Variants in LOXHD1 observed in about 807,000 individuals in gnomAD.
The protein encoded by LOXHD1 is lipoxygenase homology PLAT domains 1.
LOXHD1 carries 205 observed loss-of-function variants against 248.2 expected under a neutral mutation model. The observed-to-expected ratio is 0.83, with a 90% CI of 0.74 to 0.93. The LOEUF is 0.93. Ranked by LOEUF, LOXHD1 falls within the 40% of genes least tolerant of loss-of-function variation. The pLI is 0.00. For missense variants in LOXHD1, 2,930 were observed against 2,971.6 expected (o/e 0.99, Z 0.33); for synonymous variants, 1,113 against 1,162.8 (o/e 0.96, Z 0.87).
intron 10 of LOXHD1, 143 bp from the exon 11 acceptor site, chr18:46,592,727 C>A: frequency 1.4e-6 from 1 of 691,214 alleles, no homozygotes; most frequent in Non-Finnish European, 2.5e-6. Context: ...AAGCCACCCT[C>A]ACATATTTTA....
At position 46,536,946 on chromosome 18, in the gene LOXHD1, G is replaced by A. The variant is rs546000680; in HGVS notation, c.4095+1210C>T. 3.9e-5 allele frequency among the ~76,000 whole-genome samples: 6 copies of A among 152,246 alleles called. No homozygotes were observed. The East Asian group carries it at 5.8e-4, about 15-fold the overall frequency. ...GCTCTTCTCCTTCAGGGTCTCCTGC[G>A]CTTCCCCTCTAAGTCTTGCTTCATT... On this transcript the variant is annotated intron_variant, in intron 26 of 40. Transcript: ENST00000642948.
Position 46,529,240 on chromosome 18 carries a change from C to A in LOXHD1, c.4467G>T (p.Gly1489=), listed in dbSNP as rs1368732351. 5.2e-6 allele frequency: 8 copies of A among 1,551,606 alleles called. No homozygotes were observed. The highest frequency in any genetic ancestry group is 7.0e-6 in the Non-Finnish European group (8 of 1,146,942). Residue 1489 remains glycine (G), a synonymous_variant, in exon 29 of 41, where the codon GGG becomes GGT. Transcript: ENST00000642948. ...TGCCAAGGTATCGCTCCCCAGTGTC[C>A]CCGAGGTCTCCATAGATGGTGATGT... ...KVYITIYGDL[G]DTGERYLGKS... is the part of the protein sequence containing the mutation.
intron 4 of LOXHD1, among the ~76,000 whole-genome samples, chr18:46,637,186 C>T (rs183531695): frequency 2.3e-4 from 35 of 152,176 alleles, no homozygotes; most frequent in African/African-American, 7.9e-4. Context: ...CAGAAAAAAA[C>T]CATTGGAATA....
intron 18 of LOXHD1, among the ~76,000 whole-genome samples, chr18:46,562,485 C>T (rs1007001171): frequency 2.6e-5 from 4 of 152,146 alleles, no homozygotes; most frequent in Admixed American, 2.0e-4. Flanking sequence ...TCTCTTTTTT[C>T]CTTCTATTGA....
rs535442520 is a variant in LOXHD1 at position 46,557,674 on chromosome 18, C to T, written c.3217-185G>A. 2.0e-5 allele frequency among the ~76,000 whole-genome samples: 3 copies of T among 152,278 alleles called. No homozygotes were observed. In the South Asian group the frequency reaches 6.2e-4, roughly 32 times the overall value. ...GGTGTTTGGTCTGCACAATTGTTTC[C>T]CTAACTTGTCCCTGCCAGGAGATCT... On this transcript the variant is annotated intron_variant, in intron 20 of 40. Coordinates refer to ENST00000642948, the MANE Select transcript of LOXHD1 (RefSeq NM_001384474.1).
chr18:46,512,854 C>T (rs2035047417), intron 34 of LOXHD1, among the ~76,000 whole-genome samples: 2 of 152,132 alleles, frequency 1.3e-5, no homozygotes, highest in African/African-American at 4.8e-5. Context: ...TACTATGCAG[C>T]AATGAAAATG....
intron 7 of LOXHD1, 155 bp from the exon 8 acceptor site, chr18:46,601,622 A>C (rs1225588332): frequency 6.0e-6 from 6 of 994,632 alleles, no homozygotes; most frequent in Non-Finnish European, 7.6e-6. Flanking sequence ...ATGCCACCTA[A>C]TGTCCCTCTC....
At chr18:46,641,566 G>A (rs908103446) in intron 3 of LOXHD1, among the ~76,000 whole-genome samples, 5 of 152,146 alleles carry the variant, frequency 3.3e-5, no homozygotes, top group South Asian at 2.1e-4. Context: ...GGTTATCACC[G>A]ATGAGGCACC....
chr18:46,525,548 G>A (rs1173741694), intron 29 of LOXHD1, among the ~76,000 whole-genome samples: 1 of 152,114 alleles, frequency 6.6e-6, no homozygotes, highest in African/African-American at 2.4e-5. Context: ...GTGATACAAG[G>A]CCCTAATCTG....
chr18:46,609,965 T>C (rs1333640886), intron 6 of LOXHD1, among the ~76,000 whole-genome samples: 1 of 151,552 alleles, frequency 6.6e-6, no homozygotes, highest in African/African-American at 2.5e-5. Context: ...TGCTTTCTTC[T>C]TGATTCTTAA....
chr18:46,638,244 T>C (rs913860775), intron 4 of LOXHD1, among the ~76,000 whole-genome samples: 5 of 152,252 alleles, frequency 3.3e-5, no homozygotes, highest in African/African-American at 7.2e-5. Flanking sequence ...GAATTACAAG[T>C]ATTCTTCATG....
Position 46,521,082 on chromosome 18 carries a change from C to T in LOXHD1, c.5271+15G>A. The T allele has an allele frequency of 6.4e-7, 1 of 1,550,810 alleles. No homozygotes were observed. Among genetic ancestry groups the T allele is most frequent in the Non-Finnish European group, 8.7e-7 (1 of 1,146,376 alleles). ...GCCCTGGCCATGCACTGCACACTCA[C>T]AGTGCCCCCCCTACCTTCACCCCAA... On this transcript the variant is annotated intron_variant, in intron 33 of 40. Coordinates refer to ENST00000642948, the MANE Select transcript of LOXHD1 (RefSeq NM_001384474.1).
intron 29 of LOXHD1, 41 bp from the exon 30 acceptor site, chr18:46,524,958 A>G (rs1208531289): frequency 1.4e-5 from 21 of 1,542,120 alleles, no homozygotes; most frequent in Non-Finnish European, 1.8e-5. Flanking sequence ...GGGGTGTGCC[A>G]CCCACTCAAC....
chr18:46,604,797 G>C (rs929721940), intron 6 of LOXHD1, among the ~76,000 whole-genome samples: 4 of 152,220 alleles, frequency 2.6e-5, no homozygotes, highest in Non-Finnish European at 5.9e-5. Context: ...TGAGATAAGT[G>C]TGCCTTCTAG....
intron 39 of LOXHD1, 139 bp from the exon 40 acceptor site, chr18:46,483,884 G>A (rs141504474): frequency 2.8e-4 from 287 of 1,032,496 alleles, no homozygotes; most frequent in Non-Finnish European, 3.7e-4. Flanking sequence ...TGGCAGTCCT[G>A]GAGGCTTTGA....
intron 2 of LOXHD1, among the ~76,000 whole-genome samples, chr18:46,643,951 C>T (rs1406920227): frequency 4.6e-5 from 7 of 152,100 alleles, no homozygotes; most frequent in African/African-American, 1.4e-4. Flanking sequence ...AAACAGGATA[C>T]CATCTTCATT....
Position 46,566,275 on chromosome 18 carries a change from C to T in LOXHD1, c.2419G>A (p.Val807Met), listed in dbSNP as rs781395839. The T allele has an allele frequency of 1.3e-6, 2 of 1,550,314 alleles. No homozygotes were observed. Among genetic ancestry groups the T allele is most frequent in the South Asian group, 1.2e-5 (1 of 84,034 alleles). Residue 807 changes from valine (V) to methionine (M), a missense_variant, in exon 17 of 41, where the codon GTG (valine) becomes ATG (methionine). Val to Met is a conservative substitution (Grantham distance 21). Transcript: ENST00000642948. ...RLEVELYPSE[V>M]VEIQKLVHYE... ...TCCATACATTTCTGGATCTCCACCA[C>T]CTCGCTGGGATACAGCTCCACCTCC...
At chr18:46,491,963 T>C (rs1198348595) in intron 37 of LOXHD1, among the ~76,000 whole-genome samples, 2 of 152,222 alleles carry the variant, frequency 1.3e-5, no homozygotes, top group African/African-American at 4.8e-5. Context: ...TCCACAATTT[T>C]CAAATTAGAA....
At chr18:46,560,622 G>A (rs2037506299) in intron 18 of LOXHD1, 77 bp from the exon 19 acceptor site, 1 of 1,345,450 alleles carries the variant, frequency 7.4e-7, no homozygotes, top group Non-Finnish European at 9.9e-7. Context: ...GCCCAACAAA[G>A]AGCCAGGCAC....
Sources: allele counts gnomAD v4.1 joint callset (sites outside exome capture counted in the v4.1 genomes callset), GRCh38; gene constraint gnomAD v4.1.1; transcripts MANE v1.5; gene names NCBI Gene and HGNC (gene_info 2026-07-23, HGNC 2026-07-21).